SPIDR: variants seen among roughly 807,000 people sequenced by gnomAD.
SPIDR encodes the protein scaffold protein involved in DNA repair, also known as DNA repair-scaffolding protein.
SPIDR carries 93 observed loss-of-function variants against 104.6 expected under a neutral mutation model. That is an observed-to-expected ratio of 0.89 (90% confidence interval 0.75 to 1.06). The LOEUF (loss-of-function observed/expected upper bound fraction) is 1.06. SPIDR is among the 50% of genes least tolerant of loss of function. The pLI is 0.00. For synonymous variants in SPIDR, 431 were observed against 416.9 expected (o/e 1.03, Z -0.41); for missense variants, 1,154 against 1,111.2 (o/e 1.04, Z -0.55).
At chr8:47,325,993 T>C (rs2047594748) in intron 5 of SPIDR, among the ~76,000 whole-genome samples, 1 of 152,106 alleles carries the variant, frequency 6.6e-6, no homozygotes, top group South Asian at 2.1e-4. Flanking sequence ...GCTTCATCCA[T>C]GCTTTTTTTT....
intron 8 of SPIDR, among the ~76,000 whole-genome samples, chr8:47,588,812 C>T (rs2060616155): frequency 6.6e-6 from 1 of 152,104 alleles, no homozygotes; most frequent in Admixed American, 6.5e-5. Context: ...GTGGTTTTTT[C>T]ACATTGCTAA....
chr8:47,735,114 GTGT>G (rs1474950291), intron 19 of SPIDR, among the ~76,000 whole-genome samples, 190 bp from the exon 20 acceptor site: 4 of 126,180 alleles, frequency 3.2e-5, no homozygotes, highest in African/African-American at 1.3e-4. Context: ...GTGTGTGGGT[GTGT>G]GTGTGTGTGT....
Position 47,365,285 on chromosome 8 carries a change from C to T in SPIDR, c.526-31091C>T, listed in dbSNP as rs529194056. ...AGGATGGAAGCCTCCTCACACCTGT[C>T]CCCATTTACCTTTCCCTATCGGCAA... On this transcript the variant is annotated intron_variant, in intron 5 of 19. Coordinates refer to ENST00000297423, the MANE Select transcript of SPIDR (RefSeq NM_001080394.4). 2.0e-5 allele frequency among the ~76,000 whole-genome samples: 3 copies of T among 152,298 alleles called. No individual in the cohort carries two copies. The South Asian group carries it at 6.2e-4, about 32-fold the overall frequency.
At chr8:47,334,428 T>C (rs1554606970) in intron 5 of SPIDR, among the ~76,000 whole-genome samples, 1 of 152,228 alleles carries the variant, frequency 6.6e-6, no homozygotes, top group African/African-American at 2.4e-5. Context: ...TTTTACTTTA[T>C]GTTAACACTC....
At chr8:47,493,942 A>G (rs540891456) in intron 8 of SPIDR, among the ~76,000 whole-genome samples, 1 of 152,254 alleles carries the variant, frequency 6.6e-6, no homozygotes, top group East Asian at 1.9e-4. Flanking sequence ...TGTTCCCTTC[A>G]AAAAGCATAA....
chr8:47,377,460 A>T (rs1465092153), intron 5 of SPIDR, among the ~76,000 whole-genome samples: 1 of 152,220 alleles, frequency 6.6e-6, no homozygotes, highest in Non-Finnish European at 1.5e-5. Flanking sequence ...ACCAGGCACA[A>T]GCCTCCAAGT....
At chr8:47,464,006 A>G (rs1397487001) in intron 8 of SPIDR, among the ~76,000 whole-genome samples, 2 of 152,134 alleles carry the variant, frequency 1.3e-5, no homozygotes, top group Non-Finnish European at 2.9e-5. Flanking sequence ...GTTCTGACCA[A>G]AGCACTTAGG....
intron 1 of SPIDR, among the ~76,000 whole-genome samples, chr8:47,269,747 A>T (rs1328331579): frequency 2.6e-5 from 4 of 152,076 alleles, no homozygotes; most frequent in African/African-American, 9.7e-5. Flanking sequence ...TCTTTTAGGG[A>T]TAAAGCATCC....
chr8:47,704,635 T>C (rs1158735730), intron 14 of SPIDR, among the ~76,000 whole-genome samples: 1 of 152,228 alleles, frequency 6.6e-6, no homozygotes, highest in Non-Finnish European at 1.5e-5. Flanking sequence ...TCTCTCACCA[T>C]ATTGGATTGT....
chr8:47,677,327 C>T (rs2076570929), intron 11 of SPIDR, among the ~76,000 whole-genome samples: 1 of 152,102 alleles, frequency 6.6e-6, no homozygotes, highest in South Asian at 2.1e-4. Flanking sequence ...TTTGCCAGGG[C>T]AATACTGAGA....
intron 8 of SPIDR, among the ~76,000 whole-genome samples, chr8:47,567,062 G>C (rs953151722): frequency 5.9e-5 from 9 of 152,254 alleles, no homozygotes; most frequent in Admixed American, 5.9e-4. Context: ...CTGGTTGGAA[G>C]ATTTTAAATA....
At chr8:47,636,720 G>C (rs947834602) in intron 10 of SPIDR, among the ~76,000 whole-genome samples, 1 of 151,872 alleles carries the variant, frequency 6.6e-6, no homozygotes, top group African/African-American at 2.4e-5. Context: ...GGAAGCTGAG[G>C]TGGAAGGATC....
At chr8:47,278,287 C>G (rs2036996963) in intron 1 of SPIDR, among the ~76,000 whole-genome samples, 1 of 151,764 alleles carries the variant, frequency 6.6e-6, no homozygotes, top group East Asian at 1.9e-4. Context: ...TCTTGAATAG[C>G]TGGGACTATA....
chr8:47,604,325 C>T (rs1273380796), intron 10 of SPIDR, among the ~76,000 whole-genome samples: 1 of 152,182 alleles, frequency 6.6e-6, no homozygotes, highest in African/African-American at 2.4e-5. Flanking sequence ...CCATGCTGCA[C>T]AGGCCAGCAA....
chr8:47,354,522 T>C (rs1265473529), intron 5 of SPIDR, among the ~76,000 whole-genome samples: 1 of 152,216 alleles, frequency 6.6e-6, no homozygotes, highest in African/African-American at 2.4e-5. Context: ...AAACATATTC[T>C]GCCTTACAAC....
chr8:47,620,614 T>G (rs889704793), intron 10 of SPIDR, among the ~76,000 whole-genome samples: 2 of 150,004 alleles, frequency 1.3e-5, no homozygotes, highest in African/African-American at 2.5e-5. Flanking sequence ...GGTTTTGTTT[T>G]TTTGTTTCTT....
intron 5 of SPIDR, among the ~76,000 whole-genome samples, chr8:47,307,257 A>G (rs1554581923): frequency 6.8e-6 from 1 of 147,258 alleles, no homozygotes; most frequent in African/African-American, 2.5e-5. Flanking sequence ...TGGAGTCTCT[A>G]TCGCCCAGGC....
rs1196646732 is a variant in SPIDR at position 47,594,534 on chromosome 8, CTAGAG to C, written c.1098-1271_1098-1267del. 2.6e-5 allele frequency among the ~76,000 whole-genome samples: 4 copies of C among 152,114 alleles called. No individual in the cohort carries two copies. In the East Asian group the frequency reaches 7.7e-4, roughly 29 times the overall value. ...GTCATAGGTTTTTCATGATGTTTAC[CTAGAG>C]TAGAGCAGTTACCATCTAAGAGTTT... On this transcript the variant is annotated intron_variant, in intron 8 of 19. Transcript: ENST00000297423.
At chr8:47,283,226 A>G (rs2038165162) in intron 2 of SPIDR, among the ~76,000 whole-genome samples, 1 of 152,212 alleles carries the variant, frequency 6.6e-6, no homozygotes, top group South Asian at 2.1e-4. Context: ...AGGCGATTGT[A>G]AGGTTATTAA....
Sources: gnomAD v4.1 joint callset for allele counts (sites outside exome capture counted in the v4.1 genomes callset) on GRCh38, gnomAD v4.1.1 for gene constraint, MANE v1.5 for transcripts, NCBI Gene and HGNC (gene_info 2026-07-23, HGNC 2026-07-21) for gene names.